PPIG: variants seen among roughly 807,000 people sequenced by gnomAD.
PPIG encodes the protein peptidyl-prolyl cis-trans isomerase G.
In PPIG, 26 loss-of-function variants were observed where a neutral mutation model predicts 87.9. The ratio of observed to expected loss-of-function variants is 0.30; its 90% CI spans 0.22 to 0.41. PPIG has a LOEUF of 0.41. PPIG is among the 10% of genes least tolerant of loss of function. PPIG has a pLI of 1.00. For missense variants in PPIG, 722 were observed against 879.4 expected, an observed-to-expected ratio of 0.82 and a Z score of 2.26; for synonymous variants, 308 against 276.5, an observed-to-expected ratio of 1.11 and a Z score of -1.13.
intron 7 of PPIG, among the ~76,000 whole-genome samples, chr2:169,611,242 AAAAG>A (rs573448002): frequency 2.3e-3 from 349 of 152,238 alleles, no homozygotes; most frequent in Middle Eastern, 0.02. Flanking sequence ...TAAAAAAAGA[AAAAG>A]AAAAAAAGAA....
chr2:169,632,993 G>A (rs958614177), intron 11 of PPIG, among the ~76,000 whole-genome samples, 167 bp from the exon 12 acceptor site: 1 of 151,258 alleles, frequency 6.6e-6, no homozygotes, highest in Non-Finnish European at 1.5e-5. Context: ...AGCCAGGATG[G>A]TCTCCATCTC....
chr2:169,594,620 CTTTTCTTT>C (rs1257869051), intron 1 of PPIG, among the ~76,000 whole-genome samples: 10 of 96,720 alleles, frequency 1.0e-4, no homozygotes, highest in African/African-American at 3.7e-4. Flanking sequence ...TTTACTCTTT[CTTTTCTTT>C]TTTTTTTTTT....
rs771347012 is a variant in PPIG at position 169,637,199 on chromosome 2, A to G, written c.1941A>G (p.Gln647=). ...GAAACAAAGACAAATACAGAAACCA[A>G]GAGAGTAAGAGCTCACACAGAAAAG... ...QSRNKDKYRN[Q]ESKSSHRKEN... The change falls in exon 14 of 14, where the codon CAA becomes CAG. Residue 647 remains glutamine, a synonymous_variant. Transcript: ENST00000260970. 5 of 1,613,540 alleles carry G rather than the reference A, an allele frequency of 3.1e-6. No individual in the cohort carries two copies. Among genetic ancestry groups the G allele is most frequent in the Non-Finnish European group, 4.2e-6 (5 of 1,179,930 alleles).
At chr2:169,628,250 C>G (rs1027443806) in intron 9 of PPIG, among the ~76,000 whole-genome samples, 5 of 152,136 alleles carry the variant, frequency 3.3e-5, no homozygotes, top group Non-Finnish European at 7.3e-5. Flanking sequence ...GCGTATATCC[C>G]AAACATCTCA....
At position 169,596,113 on chromosome 2, in the gene PPIG, GT is replaced by G. The variant is rs529154956; in HGVS notation, c.-69-7522del. The stretch of plus-strand genomic sequence containing the variant: ...GCCACTGCGCCCGGCCTTTTTGTTT[GT>G]TTTTTTGAGACGGAGTCTCACTCTT... On this transcript the variant is annotated intron_variant, in intron 1 of 13. Coordinates refer to ENST00000260970, the MANE Select transcript of PPIG (RefSeq NM_004792.3). Among the ~76,000 whole-genome samples, 99 of 138,798 alleles carry G rather than the reference GT, an allele frequency of 7.1e-4. 2 individuals carry two copies. In the South Asian group the frequency reaches 0.022, roughly 31 times the overall value. The allele number at this position is 138,798 out of a possible 152,430, so 91.1% of individuals were successfully genotyped here.
At chr2:169,593,031 A>T (rs1574435486) in intron 1 of PPIG, among the ~76,000 whole-genome samples, 1 of 152,066 alleles carries the variant, frequency 6.6e-6, no homozygotes, top group Non-Finnish European at 1.5e-5. Context: ...AAACTAATCA[A>T]TTTCTATGAA....
At chr2:169,585,926 T>G (rs1276628182) in intron 1 of PPIG, among the ~76,000 whole-genome samples, 1 of 152,096 alleles carries the variant, frequency 6.6e-6, no homozygotes, top group Non-Finnish European at 1.5e-5. Context: ...TAATTGCTAC[T>G]TTGTAACAAT....
intron 10 of PPIG, 112 bp downstream of exon 10, chr2:169,631,099 A>T (rs781544230): frequency 1.2e-5 from 12 of 1,001,518 alleles, no homozygotes; most frequent in Non-Finnish European, 1.6e-5. Context: ...GAAATATAGC[A>T]TGGAGCGTAG....
At chr2:169,633,480 G>C (rs1289473460) in intron 12 of PPIG, 1 of 545,668 alleles carries the variant, frequency 1.8e-6, no homozygotes, top group Non-Finnish European at 3.2e-6. Flanking sequence ...AAATGGGATC[G>C]AGGTCTTTCT....
At chr2:169,589,661 G>T (rs146977594) in intron 1 of PPIG, among the ~76,000 whole-genome samples, 7 of 151,926 alleles carry the variant, frequency 4.6e-5, no homozygotes, top group East Asian at 1.9e-4. Context: ...GGTTTTTTTG[G>T]GGGGGGTTGT....
chr2:169,631,562 C>T (rs901221628), intron 10 of PPIG: 32 of 1,325,922 alleles, frequency 2.4e-5, no homozygotes, highest in Admixed American at 3.9e-5. Flanking sequence ...GTGTGATAAT[C>T]GAAACGTTTT....
chr2:169,620,122 G>A (rs1685705989), intron 9 of PPIG, among the ~76,000 whole-genome samples: 1 of 152,028 alleles, frequency 6.6e-6, no homozygotes, highest in South Asian at 2.1e-4. Flanking sequence ...TTTGTTGCCT[G>A]TGGTTTTGGG....
rs1273491850 is a variant in PPIG at position 169,599,452 on chromosome 2, GCTTA to G, written c.-69-4187_-69-4184del. On this transcript the variant is annotated intron_variant, in intron 1 of 13. Transcript: ENST00000260970. ...TGTGTTAGACATTTAAGTTGTTTGT[GCTTA>G]CTGTTATTTAAAAAAAAACCCAAGG... Among the ~76,000 whole-genome samples, 8 of 151,914 alleles carry G rather than the reference GCTTA, an allele frequency of 5.3e-5. No individual in the cohort carries two copies. In the South Asian group the frequency reaches 8.3e-4, roughly 16 times the overall value.
intron 1 of PPIG, among the ~76,000 whole-genome samples, chr2:169,596,324 G>T (rs1457841961): frequency 2.1e-5 from 3 of 144,214 alleles, no homozygotes; most frequent in South Asian, 2.2e-4. Flanking sequence ...AGGCTGGTCT[G>T]GAACTCCTGA....
chr2:169,609,593 T>A (rs532764261), intron 7 of PPIG, among the ~76,000 whole-genome samples: 1 of 152,232 alleles, frequency 6.6e-6, no homozygotes, highest in Admixed American at 6.5e-5. Context: ...CTAGCCAAAT[T>A]AGGATAATTT....
intron 11 of PPIG, among the ~76,000 whole-genome samples, chr2:169,632,797 G>A (rs1686091763): frequency 6.6e-6 from 1 of 151,368 alleles, no homozygotes; most frequent in Non-Finnish European, 1.5e-5. Flanking sequence ...AAGGAATATT[G>A]AAATATTTTT....
At chr2:169,626,455 G>A (rs978081236) in intron 9 of PPIG, among the ~76,000 whole-genome samples, 2 of 151,978 alleles carry the variant, frequency 1.3e-5, no homozygotes, top group East Asian at 1.9e-4. Flanking sequence ...GTGCAGTGAC[G>A]CAATCTCAGC....
At chr2:169,630,070 T>G (rs1000052548) in intron 9 of PPIG, among the ~76,000 whole-genome samples, 2 of 152,128 alleles carry the variant, frequency 1.3e-5, no homozygotes, top group African/African-American at 4.8e-5. Context: ...TTGTAGTATC[T>G]TCTTCTAATT....
intron 1 of PPIG, among the ~76,000 whole-genome samples, chr2:169,600,068 G>A (rs1006888917): frequency 1.4e-5 from 2 of 140,542 alleles, no homozygotes; most frequent in African/African-American, 5.1e-5. Flanking sequence ...TTTTGTGAGA[G>A]GAAAAAAAAA....
Sources: allele counts gnomAD v4.1 joint callset (sites outside exome capture counted in the v4.1 genomes callset), GRCh38; gene constraint gnomAD v4.1.1; transcripts MANE v1.5; gene names NCBI Gene and HGNC (gene_info 2026-07-23, HGNC 2026-07-21).